Variants in FSCB observed in about 807,000 individuals in gnomAD.
FSCB encodes fibrous sheath CABYR-binding protein.
For synonymous variants in FSCB, 331 were observed against 336.6 expected, an observed-to-expected ratio of 0.98 and a Z score of 0.18; for missense variants, 975 against 934.8, an observed-to-expected ratio of 1.04 and a Z score of -0.56.
chr14:44,505,603 G>A lies in FSCB; in HGVS notation c.1385C>T (p.Pro462Leu). 6.2e-7 allele frequency: 1 copy of A among 1,613,344 alleles called. No individual in the cohort carries two copies. Among genetic ancestry groups the A allele is most frequent in the South Asian group, 1.1e-5 (1 of 91,014 alleles). Residue 462 changes from proline to leucine, a missense_variant, in exon 1 of 1, where the codon CCT (proline) becomes CTT (leucine). By Grantham distance (98) the Pro-to-Leu change is moderately conservative. Coordinates refer to ENST00000340446, the MANE Select transcript of FSCB (RefSeq NM_032135.4). The part of the protein sequence containing the change: ...EAPTEFQSPL[P>L]KETTAEEASA... ...GGCCTCTTCTGCAGTGGTCTCTTTA[G>A]GTAATGGAGACTGAAATTCAGTAGG... is the stretch of plus-strand genomic sequence containing the variant.
At chr14:44,506,298 TA>T in the FSCB span, 1 of 1,614,168 alleles carries the variant, frequency 6.2e-7, no homozygotes, top group South Asian at 1.1e-5. Flanking sequence ...GCTCATCTTC[TA>T]AAAGTACCGG....
At position 44,505,370 on chromosome 14, in the gene FSCB, C is replaced by A. The variant is rs758440278; in HGVS notation, c.1618G>T (p.Ala540Ser). The change falls in exon 1 of 1, where the codon GCT becomes TCT. Residue 540 changes from alanine to serine, a missense_variant. By Grantham distance (99) the Ala-to-Ser change is moderately conservative. Coordinates refer to ENST00000340446, the MANE Select transcript of FSCB (RefSeq NM_032135.4). Reference sequence around the variant, plus strand: ...TCAGATAGTGGAGACTGAGCTTCAGCAGGAGTTTCATCTGCAGGAGCCTCT... The same window carrying A: ...TCAGATAGTGGAGACTGAGCTTCAGAAGGAGTTTCATCTGCAGGAGCCTCT... The part of the protein sequence containing the change: ...AIEAPADETP[A>S]EAQSPLSEET... 6.2e-6 allele frequency: 10 copies of A among 1,612,752 alleles called. No individual in the cohort carries two copies. In the South Asian group the frequency reaches 1.1e-4, roughly 18 times the overall value.
At position 44,506,036 on chromosome 14, in the gene FSCB, G is replaced by C; in HGVS notation, c.952C>G (p.Pro318Ala). 5 of 1,614,156 alleles carry C rather than the reference G, an allele frequency of 3.1e-6. No homozygotes were observed. Among genetic ancestry groups the C allele is most frequent in the Non-Finnish European group, 4.2e-6 (5 of 1,180,030 alleles). The change falls in exon 1 of 1, where the codon CCT (proline) becomes GCT (alanine). Residue 318 changes from proline to alanine, a missense_variant. Pro to Ala is a conservative substitution (Grantham distance 27, BLOSUM62 -1). Coordinates refer to ENST00000340446, the MANE Select transcript of FSCB (RefSeq NM_032135.4). ...AAAGGGGCCTCTTCAGCAGGTGGAG[G>C]CTGAACTTTAACAGAATTCTCCGCA... ...AVAENSVKVQPPPAEEAPLVE... is the reference protein window; with the variant it reads ...AVAENSVKVQAPPAEEAPLVE...
chr14:44,506,753 C>CCATTGT lies in FSCB; in HGVS notation c.234_235insACAATG (p.Ile78_Val79insThrMet). On this transcript the variant is annotated inframe_insertion, in exon 1 of 1. Coordinates refer to ENST00000340446, the MANE Select transcript of FSCB (RefSeq NM_032135.4). ...AACTTGACTTCTTTTTTCTCTTCTA[C>CCATTGT]AATGGTGTCTGTCTGGAGAGACTTA... is the stretch of plus-strand genomic sequence containing the variant. 1 of 1,614,138 alleles carries CCATTGT rather than the reference C, an allele frequency of 6.2e-7. No individual in the cohort carries two copies. Among genetic ancestry groups the CCATTGT allele is most frequent in the Non-Finnish European group, 8.5e-7 (1 of 1,180,014 alleles).
chr14:44,504,456 G>T lies in FSCB; in HGVS notation c.*54C>A. On this transcript the variant is annotated 3_prime_UTR_variant, in exon 1 of 1. Transcript: ENST00000340446. ...TTCCCGCTGCCCACCCTTTTCTAAA[G>T]TATGTTCTTCCAAAACCATGTAGCT... The T allele has an allele frequency of 1.4e-6, 2 of 1,401,172 alleles. No homozygotes were observed. The highest frequency in any genetic ancestry group is 1.9e-6 in the Non-Finnish European group (2 of 1,028,992). The allele number at this position is 1,401,172 out of a possible 1,614,324, so 86.8% of individuals were successfully genotyped here.
rs1257161422 is a variant in FSCB, at chr14:44,504,952, G to C, written c.2036C>G (p.Pro679Arg). The change falls in exon 1 of 1, where the codon CCT (proline) becomes CGT (arginine). Residue 679 changes from proline to arginine, a missense_variant. Coordinates refer to ENST00000340446, the MANE Select transcript of FSCB (RefSeq NM_032135.4). ...AGCTGGTAGAGACTGAACTTCAGCA[G>C]GGGCCTCCTCAGCTGGTGGAGGCTG... ...EVQPPPAEEA[P>R]AEVQSLPAEE... 1.9e-6 allele frequency: 3 copies of C among 1,604,892 alleles called. No homozygotes were observed. The highest frequency in any genetic ancestry group is 8.5e-7 in the Non-Finnish European group (1 of 1,178,030).
rs1594609984 is a variant in FSCB, at chr14:44,505,136, C to A, written c.1852G>T (p.Ala618Ser). 2 of 1,606,056 alleles carry A rather than the reference C, an allele frequency of 1.2e-6. No homozygotes were observed. The highest frequency in any genetic ancestry group is 4.5e-5 in the East Asian group (2 of 44,710). The change falls in exon 1 of 1, where the codon GCC (alanine) becomes TCC (serine). Residue 618 changes from alanine (A) to serine (S), a missense_variant. Coordinates refer to ENST00000340446, the MANE Select transcript of FSCB (RefSeq NM_032135.4). ...AEVQPPPAEE[A>S]PAEVQPPPAE... is the part of the protein sequence containing the mutation. ...GGTGGAGGCTGAACTTCAGCGGGGG[C>A]CTCCTCAGCTGGTGGAGGCTGAACT...
In FSCB at chr14:44,505,251, T is replaced by C. The variant is rs931818088; in HGVS notation, c.1737A>G (p.Pro579=). 1.9e-6 allele frequency: 3 copies of C among 1,612,754 alleles called. No homozygotes were observed. The highest frequency in any genetic ancestry group is 1.3e-5 in the African/African-American group (1 of 74,764). Reference sequence around the variant, plus strand: ...CTTCTGCAGTGGTCTCTTCACCTGATGGAGGCTGAAGCTCAAGAGGGGCCT... The same window carrying C: ...CTTCTGCAGTGGTCTCTTCACCTGACGGAGGCTGAAGCTCAAGAGGGGCCT... The part of the protein sequence containing the change: ...IEEAPLELQP[P]SGEETTAEEA... Residue 579 remains proline, a synonymous_variant, in exon 1 of 1, where the codon CCA becomes CCG. Transcript: ENST00000340446.
Position 44,505,475 on chromosome 14 carries a change from G to T in FSCB, c.1513C>A (p.His505Asn). Residue 505 changes from histidine to asparagine, a missense_variant, in exon 1 of 1, where the codon CAT becomes AAT. His to Asn is a moderately conservative substitution (Grantham distance 68, BLOSUM62 1). Coordinates refer to ENST00000340446, the MANE Select transcript of FSCB (RefSeq NM_032135.4). ...LSEETSAEEAHAEVQSPLAEE... is the reference protein window; with the variant it reads ...LSEETSAEEANAEVQSPLAEE... ...GCTAATGGAGATTGAACTTCAGCAT[G>T]AGCCTCTTCTGCAGAAGTCTCCTCA... 1 of 1,612,318 alleles carries T rather than the reference G, an allele frequency of 6.2e-7. No individual in the cohort carries two copies. The highest frequency in any genetic ancestry group is 1.3e-5 in the African/African-American group (1 of 74,942).
Position 44,506,537 on chromosome 14 carries a change from C to T in FSCB, c.451G>A (p.Val151Met). The T allele has an allele frequency of 2.5e-6, 4 of 1,614,166 alleles. No individual in the cohort carries two copies. The South Asian group carries it at 4.4e-5, about 18-fold the overall frequency. Residue 151 changes from valine (V) to methionine (M), a missense_variant, in exon 1 of 1, where the codon GTG (valine) becomes ATG (methionine). Coordinates refer to ENST00000340446, the MANE Select transcript of FSCB (RefSeq NM_032135.4). ...TMMNIPPVEK[V>M]DKEQQTYFSE... ...AAGTATGTCTGTTGTTCCTTGTCCACTTTTTCTACAGGGGGGATGTTCATC... is the reference window on the plus strand; with the variant it reads ...AAGTATGTCTGTTGTTCCTTGTCCATTTTTTCTACAGGGGGGATGTTCATC...
Position 44,506,263 on chromosome 14 carries a change from A to G in FSCB, c.725T>C (p.Val242Ala), listed in dbSNP as rs1464707854. 3 of 1,614,066 alleles carry G rather than the reference A, an allele frequency of 1.9e-6. No individual in the cohort carries two copies. The highest frequency in any genetic ancestry group is 2.5e-6 in the Non-Finnish European group (3 of 1,180,046). The change falls in exon 1 of 1, where the codon GTT becomes GCT. Residue 242 changes from valine (V) to alanine (A), a missense_variant. Physicochemically the swap from Val to Ala is moderately conservative, Grantham distance 64. Transcript: ENST00000340446. Reference protein sequence around the residue: ...DELREEVTVPVVQEGSAVKKV... With the variant: ...DELREEVTVPAVQEGSAVKKV... ...TTTAACAGCAGAACCTTCTTGTACA[A>G]CAGGTACAGTTACTTCTTCCCTAAG...
At position 44,504,835 on chromosome 14, in the gene FSCB, G is replaced by A; in HGVS notation, c.2153C>T (p.Ser718Phe). The A allele has an allele frequency of 1.9e-6, 3 of 1,614,178 alleles. No homozygotes were observed. Among genetic ancestry groups the A allele is most frequent in the Non-Finnish European group, 2.5e-6 (3 of 1,180,026 alleles). The change falls in exon 1 of 1, where the codon TCC becomes TTC. Residue 718 changes from serine (S) to phenylalanine (F), a missense_variant. Coordinates refer to ENST00000340446, the MANE Select transcript of FSCB (RefSeq NM_032135.4). ...PAEEASVDKH[S>F]PPADLLLTEE... ...AGTCAGAAGCAAATCAGCTGGTGGG[G>A]AATGTTTGTCAACGGAGGCCTCTTC...
In FSCB at chr14:44,506,185, T is replaced by C. The variant is rs755404905; in HGVS notation, c.803A>G (p.Lys268Arg). 1 of 1,614,198 alleles carries C rather than the reference T, an allele frequency of 6.2e-7. No homozygotes were observed. Among genetic ancestry groups the C allele is most frequent in the South Asian group, 1.1e-5 (1 of 91,082 alleles). The part of the protein sequence containing the change: ...EPPSTEKFPA[K>R]IQPPLVEEAT... Reference sequence around the variant, plus strand: ...CTCTTCAACTAATGGAGGCTGTATTTTAGCTGGGAATTTTTCTGTTGATGG... The same window carrying C: ...CTCTTCAACTAATGGAGGCTGTATTCTAGCTGGGAATTTTTCTGTTGATGG... The change falls in exon 1 of 1, where the codon AAA becomes AGA. Residue 268 changes from lysine to arginine, a missense_variant. Transcript: ENST00000340446.
rs1736011252 is a variant in FSCB at position 44,504,434 on chromosome 14, C to T, written c.*76G>A. 5.9e-6 allele frequency: 7 copies of T among 1,185,520 alleles called. No homozygotes were observed. Among genetic ancestry groups the T allele is most frequent in the Admixed American group, 2.5e-5 (1 of 39,926 alleles). The allele number at this position is 1,185,520 out of a possible 1,614,324, so 73.4% of individuals were successfully genotyped here. A position where few individuals can be genotyped will look rare whatever the true frequency, so the allele number is the denominator to read the frequency against. ...TTTGCCTTATTGACAAAGCTACTTC[C>T]CGCTGCCCACCCTTTTCTAAAGTAT... is the stretch of plus-strand genomic sequence containing the variant. On this transcript the variant is annotated 3_prime_UTR_variant, in exon 1 of 1. Coordinates refer to ENST00000340446, the MANE Select transcript of FSCB (RefSeq NM_032135.4).
At position 44,506,233 on chromosome 14, in the gene FSCB, A is replaced by T. The variant is rs1881080769; in HGVS notation, c.755T>A (p.Val252Glu). ...TGGAGGCTCTATTTCAGCAGAAGCCACTTTTTTAACAGCAGAACCTTCTTG... is the reference window on the plus strand; with the variant it reads ...TGGAGGCTCTATTTCAGCAGAAGCCTCTTTTTTAACAGCAGAACCTTCTTG... ...VVQEGSAVKKVASAEIEPPST... is the reference protein window; with the variant it reads ...VVQEGSAVKKEASAEIEPPST... The change falls in exon 1 of 1, where the codon GTG becomes GAG. Residue 252 changes from valine to glutamate, a missense_variant. Transcript: ENST00000340446. 1 of 1,614,062 alleles carries T rather than the reference A, an allele frequency of 6.2e-7. No individual in the cohort carries two copies. Among genetic ancestry groups the T allele is most frequent in the South Asian group, 1.1e-5 (1 of 91,086 alleles).
In FSCB at chr14:44,504,233, C is replaced by G; in HGVS notation, c.*277G>C. On this transcript the variant is annotated 3_prime_UTR_variant, in exon 1 of 1. Coordinates refer to ENST00000340446, the MANE Select transcript of FSCB (RefSeq NM_032135.4). ...GCAGATTAAACTTTACTCGTGTCAA[C>G]AAGTTTACTGTAGGAAGGATATTTT... 1 of 250,524 alleles carries G rather than the reference C, an allele frequency of 4.0e-6. No homozygotes were observed. Among genetic ancestry groups the G allele is most frequent in the Non-Finnish European group, 7.5e-6 (1 of 133,048 alleles). 15.5% of individuals were successfully genotyped at this position (250,524 alleles called of 1,614,324 possible).
rs1959379 is a variant in FSCB, at chr14:44,505,763, G to A, written c.1225C>T (p.Pro409Ser). ...LPAEGALEEAPAKVEPPTVEE... is the reference protein window; with the variant it reads ...LPAEGALEEASAKVEPPTVEE... Reference sequence around the variant, plus strand: ...ACAGTGGGAGGCTCTACTTTAGCTGGGGCCTCTTCAAGGGCGCCCTCAGCT... The same window carrying A: ...ACAGTGGGAGGCTCTACTTTAGCTGAGGCCTCTTCAAGGGCGCCCTCAGCT... The change falls in exon 1 of 1, where the codon CCA (proline) becomes TCA (serine). Residue 409 changes from proline to serine, a missense_variant. Physicochemically the swap from Pro to Ser is moderately conservative, Grantham distance 74. Coordinates refer to ENST00000340446, the MANE Select transcript of FSCB (RefSeq NM_032135.4). The A allele has an allele frequency of 0.14, 226,494 of 1,613,594 alleles. 21,537 individuals carry two copies. Among genetic ancestry groups the A allele is most frequent in the East Asian group, 0.43 (19,135 of 44,848 alleles).
Position 44,506,260 on chromosome 14 carries a change from A to G in FSCB, c.728T>C (p.Val243Ala). The G allele has an allele frequency of 1.2e-6, 2 of 1,614,194 alleles. No homozygotes were observed. Among genetic ancestry groups the G allele is most frequent in the Non-Finnish European group, 1.7e-6 (2 of 1,180,036 alleles). The change falls in exon 1 of 1, where the codon GTA becomes GCA. Residue 243 changes from valine (V) to alanine (A), a missense_variant. Coordinates refer to ENST00000340446, the MANE Select transcript of FSCB (RefSeq NM_032135.4). ...TTTTTTAACAGCAGAACCTTCTTGTACAACAGGTACAGTTACTTCTTCCCT... is the reference window on the plus strand; with the variant it reads ...TTTTTTAACAGCAGAACCTTCTTGTGCAACAGGTACAGTTACTTCTTCCCT... ...ELREEVTVPV[V>A]QEGSAVKKVA...
Position 44,507,231 on chromosome 14 carries a change from T to G in FSCB, c.-244A>C, listed in dbSNP as rs372451834. ...ATTGCATTCCATACTACACTCTTGTTGGATCCCACCTTATTCAGTAAGCGT... is the reference window on the plus strand; with the variant it reads ...ATTGCATTCCATACTACACTCTTGTGGGATCCCACCTTATTCAGTAAGCGT... On this transcript the variant is annotated 5_prime_UTR_variant, in exon 1 of 1. Transcript: ENST00000340446. 16 of 406,020 alleles carry G rather than the reference T, an allele frequency of 3.9e-5. No individual in the cohort carries two copies. The highest frequency in any genetic ancestry group is 2.7e-4 in the African/African-American group (13 of 48,608). 25.2% of individuals were successfully genotyped at this position (406,020 alleles called of 1,614,324 possible).
Sources: allele counts gnomAD v4.1 joint callset, GRCh38; gene constraint gnomAD v4.1.1; transcripts MANE v1.5; gene names NCBI Gene and HGNC (gene_info 2026-07-23, HGNC 2026-07-21).